Variants in SLC35D1 observed in about 807,000 individuals in gnomAD.
The protein encoded by SLC35D1 is solute carrier family 35 member D1, also known as nucleotide sugar transporter SLC35D1.
Under a neutral mutation model 46.7 loss-of-function variants are expected in SLC35D1, and 31 were observed. That is an observed-to-expected ratio of 0.66 (90% CI 0.50 to 0.90). SLC35D1 has a LOEUF of 0.90. Ranked by LOEUF, SLC35D1 falls within the 40% of genes least tolerant of loss-of-function variation. The pLI is 0.00. For missense variants in SLC35D1, 397 were observed against 426.2 expected (o/e 0.93, Z 0.60); for synonymous variants, 195 against 164.6 (o/e 1.18, Z -1.41).
rs1019534990 is a variant in SLC35D1, at chr1:67,051,470, A to G, written c.392+542T>C. On this transcript the variant is annotated intron_variant, in intron 4 of 11. Transcript: ENST00000235345. ...GAAAGACAGTGTTACCATGGAGAGG[A>G]GAGCTATTGCTTCTTTCTGAAAATA... Among the ~76,000 whole-genome samples the G allele has an allele frequency of 3.3e-5, 5 of 152,366 alleles. No homozygotes were observed. In the East Asian group the frequency reaches 9.6e-4, roughly 29 times the overall value.
the SLC35D1 span, chr1:66,984,830 G>T: frequency 6.2e-7 from 1 of 1,611,242 alleles, no homozygotes; most frequent in Non-Finnish European, 8.5e-7. Flanking sequence ...GAAAGTCCAG[G>T]TTCTTCTGAA....
Position 67,002,716 on chromosome 1 carries a change from A to C in SLC35D1, c.*1624T>G, listed in dbSNP as rs1471223557. 6.6e-6 allele frequency: 1 copy of C among 152,324 alleles called. No individual in the cohort carries two copies. Among genetic ancestry groups the C allele is most frequent in the African/African-American group, 2.4e-5 (1 of 41,440 alleles). The allele number at this position is 152,324 out of a possible 1,614,324, so 9.4% of individuals were successfully genotyped here. ...GGAATATGAAAATGATCTCAATATA[A>C]ATTTGCATATCAAAAAAAATCAAAA... is the stretch of plus-strand genomic sequence containing the variant. On this transcript the variant is annotated 3_prime_UTR_variant, in exon 12 of 12. Transcript: ENST00000235345.
rs35069681 is a variant in SLC35D1, at chr1:67,021,724, G to GAC, written c.730-124_730-123dup. 1,130 of 422,600 alleles carry GAC rather than the reference G, an allele frequency of 2.7e-3. 2 individuals carry two copies. The highest frequency in any genetic ancestry group is 6.0e-3 in the Middle Eastern group (11 of 1,826). 26.2% of individuals were successfully genotyped at this position (422,600 alleles called of 1,614,324 possible). The stretch of plus-strand genomic sequence containing the variant: ...AGACACAGACACAGACACAGACACA[G>GAC]ACACACACACACACACACACACACA... On this transcript the variant is annotated intron_variant, in intron 8 of 11. Transcript: ENST00000235345.
At chr1:67,034,146 T>C (rs768146519) in intron 8 of SLC35D1, among the ~76,000 whole-genome samples, 4 of 152,240 alleles carry the variant, frequency 2.6e-5, no homozygotes, top group Non-Finnish European at 5.9e-5. Flanking sequence ...TTTTGTTCTC[T>C]TTGCTTAGGA....
downstream of SLC35D1, among the ~76,000 whole-genome samples, chr1:66,998,626 G>A (rs1294349844): frequency 6.6e-6 from 1 of 152,150 alleles, no homozygotes; most frequent in African/African-American, 2.4e-5. Context: ...AAACAAAATG[G>A]TACACATACA....
downstream of SLC35D1, among the ~76,000 whole-genome samples, chr1:66,997,515 A>ATATATATAT (rs1553262604): frequency 2.5e-4 from 7 of 28,058 alleles, no homozygotes; most frequent in Admixed American, 2.2e-3. Flanking sequence ...AAAAAAAAAA[A>ATATATATAT]AAAAATATAT....
chr1:66,975,304 A>AGGTTGAAGTACT, the SLC35D1 span, among the ~76,000 whole-genome samples: 1 of 152,160 alleles, frequency 6.6e-6, no homozygotes, highest in Non-Finnish European at 1.5e-5. Flanking sequence ...AAGCATGCAG[A>AGGTTGAAGTACT]TTGCTTGAGC....
At chr1:67,028,847 C>A (rs1667965206) in intron 8 of SLC35D1, among the ~76,000 whole-genome samples, 1 of 151,986 alleles carries the variant, frequency 6.6e-6, no homozygotes, top group Non-Finnish European at 1.5e-5. Context: ...TGTTTCATTC[C>A]TTCCACTTTA....
chr1:66,991,414 A>G, the SLC35D1 span, among the ~76,000 whole-genome samples: 1 of 152,216 alleles, frequency 6.6e-6, no homozygotes, highest in African/African-American at 2.4e-5. Flanking sequence ...AGAGAGTCAC[A>G]GTCCCATTTT....
chr1:67,046,472 A>C (rs1314210293), intron 7 of SLC35D1, among the ~76,000 whole-genome samples: 1 of 152,234 alleles, frequency 6.6e-6, no homozygotes, highest in Non-Finnish European at 1.5e-5. Context: ...TACAAGATGT[A>C]ATTATGAGAT....
chr1:66,992,493 C>G, the SLC35D1 span, among the ~76,000 whole-genome samples: 1 of 152,224 alleles, frequency 6.6e-6, no homozygotes, highest in Admixed American at 6.5e-5. Flanking sequence ...ATCCTCTTGT[C>G]TTACAGAAGG....
At chr1:67,033,795 T>G (rs1407068418) in intron 8 of SLC35D1, among the ~76,000 whole-genome samples, 4 of 152,210 alleles carry the variant, frequency 2.6e-5, no homozygotes, top group Non-Finnish European at 5.9e-5. Flanking sequence ...CCCAATATTT[T>G]CTTCTACTAG....
intron 7 of SLC35D1, among the ~76,000 whole-genome samples, chr1:67,044,590 G>A (rs1645231031): frequency 6.6e-6 from 1 of 152,114 alleles, no homozygotes; most frequent in African/African-American, 2.4e-5. Context: ...CCAAAACAGT[G>A]CTTCTCACTC....
chr1:67,049,789 C>T lies in SLC35D1; in HGVS notation c.526G>A (p.Ala176Thr). 6.2e-7 allele frequency: 1 copy of T among 1,613,616 alleles called. No individual in the cohort carries two copies. ...CATAGGCCCACATCTTACCTGGCAG[C>T]TACAAAGGCTCCAATAATCATTGCA... The part of the protein sequence containing the change: ...VFAMIIGAFV[A>T]ASSDLAFDLE... The change falls in exon 6 of 12, where the codon GCT (alanine) becomes ACT (threonine). Residue 176 changes from alanine to threonine, a missense_variant. Ala to Thr is a moderately conservative substitution (Grantham distance 58). Coordinates refer to ENST00000235345, the MANE Select transcript of SLC35D1 (RefSeq NM_015139.3).
chr1:66,985,520 ATTC>A, the SLC35D1 span: 1 of 984,626 alleles, frequency 1.0e-6, no homozygotes, highest in Non-Finnish European at 1.2e-6. Flanking sequence ...GTCTTTCCAT[ATTC>A]TTATCTGGGC....
intron 8 of SLC35D1, among the ~76,000 whole-genome samples, chr1:67,031,164 C>T: frequency 6.6e-6 from 1 of 152,036 alleles, no homozygotes; most frequent in East Asian, 1.9e-4. Flanking sequence ...AGATAAAAAT[C>T]AAAAACAGAA....
At chr1:66,980,297 A>G in the SLC35D1 span, among the ~76,000 whole-genome samples, 1 of 152,240 alleles carries the variant, frequency 6.6e-6, no homozygotes, top group African/African-American at 2.4e-5. Context: ...ATATAGATTT[A>G]TAGGTATTCA....
chr1:67,031,603 G>A (rs564470468), intron 8 of SLC35D1, among the ~76,000 whole-genome samples: 1 of 150,730 alleles, frequency 6.6e-6, no homozygotes, highest in South Asian at 2.1e-4. Flanking sequence ...TTTCCTTTAT[G>A]GCTCCACGTG....
the SLC35D1 span, among the ~76,000 whole-genome samples, chr1:66,974,044 T>G: frequency 8.5e-5 from 13 of 152,222 alleles, no homozygotes; most frequent in African/African-American, 3.1e-4. Flanking sequence ...ACAAATCCTG[T>G]GGGTTCATTT....
Sources: allele counts gnomAD v4.1 joint callset (sites outside exome capture counted in the v4.1 genomes callset), GRCh38; gene constraint gnomAD v4.1.1; transcripts MANE v1.5; gene names NCBI Gene and HGNC (gene_info 2026-07-23, HGNC 2026-07-21).